The following SH3TC1 variants were observed in gnomAD, a reference collection of about 807,000 sequenced individuals.
The protein encoded by SH3TC1 is SH3 domain and tetratricopeptide repeats 1.
Under a neutral mutation model 117.3 loss-of-function variants are expected in SH3TC1, and 135 were observed. The observed-to-expected ratio is 1.15, with a 90% CI of 1.00 to 1.33. The LOEUF is 1.33. SH3TC1 is among the 40% of genes most tolerant of loss of function. SH3TC1 has a pLI of 0.00. For missense variants in SH3TC1, 2,092 were observed against 1,794.3 expected, an observed-to-expected ratio of 1.17 and a Z score of -3.00; for synonymous variants, 898 against 816.9, an observed-to-expected ratio of 1.10 and a Z score of -1.69.
intron 9 of SH3TC1, among the ~76,000 whole-genome samples, 164 bp downstream of exon 9, chr4:8,219,694 C>T (rs75907248): frequency 0.069 from 10,436 of 152,296 alleles, 467 homozygotes; most frequent in East Asian, 0.19. Context: ...GGCCCCAGTG[C>T]CTGACTCCAG....
chr4:8,236,374 C>A lies in SH3TC1; in HGVS notation c.3502C>A (p.Pro1168Thr). The A allele has an allele frequency of 1.3e-6, 2 of 1,543,308 alleles. No individual in the cohort carries two copies. Among genetic ancestry groups the A allele is most frequent in the Non-Finnish European group, 8.7e-7 (1 of 1,143,244 alleles). The change falls in exon 16 of 18, where the codon CCC (proline) becomes ACC (threonine). Residue 1168 changes from proline (P) to threonine (T), a missense_variant. Coordinates refer to ENST00000245105, the MANE Select transcript of SH3TC1 (RefSeq NM_018986.5). Reference sequence around the variant, plus strand: ...GGCACTGCTGGCCACGCTGGAGGAGCCCCAGGAGGGCTTGGAGTTTGCCCA... The same window carrying A: ...GGCACTGCTGGCCACGCTGGAGGAGACCCAGGAGGGCTTGGAGTTTGCCCA... Reference protein sequence around the residue: ...LVALLATLEEPQEGLEFAHMA... With the variant: ...LVALLATLEETQEGLEFAHMA...
At chr4:8,232,929 G>GC in intron 13 of SH3TC1, 19 of 1,197,610 alleles carry the variant, frequency 1.6e-5, no homozygotes, top group Non-Finnish European at 2.0e-5. Flanking sequence ...GAGTTCTAGG[G>GC]CCCGCCCCAG....
chr4:8,205,712 C>T lies in SH3TC1; in HGVS notation c.172+346C>T, dbSNP rs1718152423. ...TTTGGCCTTGGAACCCCTGAGAGTC[C>T]TCAGGATGAGGCATCCTCGTTCTCC... On this transcript the variant is annotated intron_variant, in intron 2 of 17. Transcript: ENST00000245105. This position sits in a 1 kb window ranked among gnomAD's most constrained non-coding sequence, Gnocchi z 5.4. The T allele has an allele frequency of 2.8e-6, 2 of 705,394 alleles. No individual in the cohort carries two copies. The highest frequency in any genetic ancestry group is 3.5e-5 in the African/African-American group (2 of 57,654). 43.7% of individuals were successfully genotyped at this position (705,394 alleles called of 1,614,324 possible). A position where few individuals can be genotyped will look rare whatever the true frequency, so the allele number is the denominator to read the frequency against.
chr4:8,219,909 TC>T (rs1169208179), intron 9 of SH3TC1, among the ~76,000 whole-genome samples: 1 of 152,158 alleles, frequency 6.6e-6, no homozygotes, highest in Non-Finnish European at 1.5e-5. Flanking sequence ...CTCTGGAGAC[TC>T]TAGGGGAGGG....
intron 9 of SH3TC1, among the ~76,000 whole-genome samples, chr4:8,220,696 C>T (rs537420128): frequency 3.1e-4 from 47 of 152,312 alleles, no homozygotes; most frequent in African/African-American, 1.1e-3. Context: ...CAATGAGATG[C>T]TTGTCTTCAG....
intron 12 of SH3TC1, among the ~76,000 whole-genome samples, chr4:8,230,174 T>C (rs1485192437): frequency 3.9e-5 from 6 of 152,258 alleles, no homozygotes; most frequent in Non-Finnish European, 5.9e-5. Context: ...CTGTTGCGTC[T>C]AGATGATCTG....
chr4:8,202,600 A>T (rs891044433), intron 1 of SH3TC1, among the ~76,000 whole-genome samples: 1 of 152,166 alleles, frequency 6.6e-6, no homozygotes, highest in Non-Finnish European at 1.5e-5. Context: ...CAATCAGATT[A>T]CAGTTGGAGC....
rs755211616 is a variant in SH3TC1, at chr4:8,233,362, G to C, written c.3132-1G>C. Reference sequence around the variant, plus strand: ...GTTCTGACACCTGTGTCTGATACCAGGGCCTACAAATCCGCACTGGACTAC... The same window carrying C: ...GTTCTGACACCTGTGTCTGATACCACGGCCTACAAATCCGCACTGGACTAC... On this transcript the variant is annotated splice_acceptor_variant, in intron 13 of 17. Transcript: ENST00000245105. LOFTEE classifies it high-confidence loss of function. 6.2e-7 allele frequency: 1 copy of C among 1,604,516 alleles called. No individual in the cohort carries two copies. The highest frequency in any genetic ancestry group is 8.5e-7 in the Non-Finnish European group (1 of 1,175,004).
intron 4 of SH3TC1, 91 bp from the exon 5 acceptor site, chr4:8,214,384 G>T: frequency 8.1e-7 from 1 of 1,228,652 alleles, no homozygotes; most frequent in Non-Finnish European, 1.2e-6. Context: ...GGCCACATCT[G>T]CAAGATGTCT....
intron 1 of SH3TC1, among the ~76,000 whole-genome samples, chr4:8,185,687 C>G (rs1293955007): frequency 6.6e-6 from 1 of 152,214 alleles, no homozygotes; most frequent in East Asian, 1.9e-4. Flanking sequence ...TGCTGGCTAC[C>G]TGTTGTGTGG....
At position 8,216,844 on chromosome 4, in the gene SH3TC1, G is replaced by A; in HGVS notation, c.629-113G>A. 9 of 1,079,324 alleles carry A rather than the reference G, an allele frequency of 8.3e-6. 1 individual carries two copies. Among genetic ancestry groups the A allele is most frequent in the Admixed American group, 1.9e-5 (1 of 53,834 alleles). 66.9% of individuals were successfully genotyped at this position (1,079,324 alleles called of 1,614,324 possible). On this transcript the variant is annotated intron_variant, in intron 6 of 17. Coordinates refer to ENST00000245105, the MANE Select transcript of SH3TC1 (RefSeq NM_018986.5). Reference sequence around the variant, plus strand: ...GTCTCTGTGCCTGCAGACACTGGGGGGGCCGCTCCTGTGGGTGTTGCCTTC... The same window carrying A: ...GTCTCTGTGCCTGCAGACACTGGGGAGGCCGCTCCTGTGGGTGTTGCCTTC...
intron 5 of SH3TC1, 52 bp downstream of exon 5, chr4:8,214,632 G>GTGTAACCAGCA: frequency 7.2e-7 from 1 of 1,391,258 alleles, no homozygotes; most frequent in Non-Finnish European, 1.0e-6. Flanking sequence ...GTCGGAAGGT[G>GTGTAACCAGCA]CTGGTTACAC....
At chr4:8,201,436 G>C (rs1010921912) in intron 1 of SH3TC1, 1 of 152,500 alleles carries the variant, frequency 6.6e-6, no homozygotes, top group African/African-American at 2.4e-5. Flanking sequence ...GCTGGAGCCT[G>C]TTCTGACCCA....
rs768500820 is a variant in SH3TC1, at chr4:8,228,321, C to T, written c.2627C>T (p.Thr876Met). The change falls in exon 12 of 18, where the codon ACG becomes ATG. Residue 876 changes from threonine to methionine, a missense_variant. Thr to Met is a moderately conservative substitution (Grantham distance 81). Coordinates refer to ENST00000245105, the MANE Select transcript of SH3TC1 (RefSeq NM_018986.5). ...ANMVAVALKR[T>M]GRTRQAAESY... ...ATGGTGGCCGTGGCTCTGAAGAGGA[C>T]GGGCCGGACGAGGCAGGCAGCTGAG... The T allele has an allele frequency of 9.6e-5, 154 of 1,611,848 alleles. No individual in the cohort carries two copies. In the Admixed American group the frequency reaches 1.3e-3, roughly 14 times the overall value.
chr4:8,228,355 C>G lies in SH3TC1; in HGVS notation c.2661C>G (p.Tyr887Ter). The G allele has an allele frequency of 6.2e-7, 1 of 1,611,784 alleles. No individual in the cohort carries two copies. Among genetic ancestry groups the G allele is most frequent in the South Asian group, 1.1e-5 (1 of 91,046 alleles). Residue 887 changes from tyrosine to a stop codon, truncating the protein, a stop_gained, in exon 12 of 18, where the codon TAC (tyrosine) becomes TAG (stop). Coordinates refer to ENST00000245105, the MANE Select transcript of SH3TC1 (RefSeq NM_018986.5). LOFTEE classifies it high-confidence loss of function. ...CGAGGCAGGCAGCTGAGAGCTACTACCGCGCCCTGCGGGTGGCTCGGGACC... is the reference window on the plus strand; with the variant it reads ...CGAGGCAGGCAGCTGAGAGCTACTAGCGCGCCCTGCGGGTGGCTCGGGACC... ...GRTRQAAESY[Y>*]RALRVARDLG...
chr4:8,221,259 G>A (rs1719896489), intron 9 of SH3TC1, among the ~76,000 whole-genome samples: 2 of 152,212 alleles, frequency 1.3e-5, no homozygotes, highest in Non-Finnish European at 2.9e-5. Flanking sequence ...AGAAGAGCCA[G>A]GGAATGAGCT....
intron 10 of SH3TC1, 80 bp downstream of exon 10, chr4:8,223,050 C>G: frequency 4.6e-6 from 7 of 1,516,888 alleles, no homozygotes; most frequent in Non-Finnish European, 6.2e-6. Context: ...CGTCCATCCA[C>G]AGATAGTGCC....
intron 1 of SH3TC1, among the ~76,000 whole-genome samples, chr4:8,185,484 T>A (rs145731355): frequency 6.6e-6 from 1 of 151,736 alleles, no homozygotes; most frequent in African/African-American, 2.4e-5. Context: ...CCGACTCAGC[T>A]CCCCACTGTT....
chr4:8,219,650 G>A, intron 9 of SH3TC1, 120 bp downstream of exon 9: 3 of 1,128,186 alleles, frequency 2.7e-6, no homozygotes, highest in Non-Finnish European at 3.6e-6. Flanking sequence ...ACGATGCCTA[G>A]TCTCTTCCCT....
Sources: gnomAD v4.1 joint callset for allele counts (sites outside exome capture counted in the v4.1 genomes callset) on GRCh38, gnomAD v4.1.1 for gene constraint, Gnocchi (gnomAD v3.1) non-coding constraint, MANE v1.5 for transcripts, NCBI Gene and HGNC (gene_info 2026-07-23, HGNC 2026-07-21) for gene names.